Variants in HACD3 observed in about 807,000 individuals in gnomAD.
The protein encoded by HACD3 is 3-hydroxyacyl-CoA dehydratase 3.
In HACD3, 30 loss-of-function variants were observed where a neutral mutation model predicts 55.2. The ratio of observed to expected loss-of-function variants is 0.54; its 90% CI spans 0.41 to 0.74. The LOEUF (loss-of-function observed/expected upper bound fraction) is 0.74. Ranked by LOEUF, HACD3 falls within the 30% of genes least tolerant of loss-of-function variation. The pLI is 0.00. For synonymous variants in HACD3, 141 were observed against 151.7 expected (o/e 0.93, Z 0.52); for missense variants, 363 against 440.1 (o/e 0.82, Z 1.57).
intron 1 of HACD3, among the ~76,000 whole-genome samples, chr15:65,533,430 A>C (rs972709939): frequency 6.6e-6 from 1 of 152,234 alleles, no homozygotes; most frequent in Non-Finnish European, 1.5e-5. Flanking sequence ...TTGCTACAGG[A>C]GTAGCAGTCA....
intron 3 of HACD3, among the ~76,000 whole-genome samples, chr15:65,556,159 T>G (rs2072186537): frequency 6.6e-6 from 1 of 152,218 alleles, no homozygotes; most frequent in South Asian, 2.1e-4. Flanking sequence ...TTCAGGGTGA[T>G]TCAAATGCAT....
intron 9 of HACD3, 46 bp from the exon 10 acceptor site, chr15:65,572,189 G>A (rs2072354550): frequency 6.2e-7 from 1 of 1,604,226 alleles, no homozygotes; most frequent in Non-Finnish European, 8.5e-7. Context: ...GTCATTAAAT[G>A]TGACTGTTTC....
At chr15:65,571,445 C>T in intron 8 of HACD3, 103 bp from the exon 9 acceptor site, 3 of 807,464 alleles carry the variant, frequency 3.7e-6, no homozygotes, top group Non-Finnish European at 6.1e-6. Flanking sequence ...CTGAAGAAGC[C>T]ATGTGTGGCT....
At chr15:65,560,962 T>C (rs2072239015) in intron 5 of HACD3, among the ~76,000 whole-genome samples, 1 of 152,248 alleles carries the variant, frequency 6.6e-6, no homozygotes, top group Non-Finnish European at 1.5e-5. Flanking sequence ...GATTGTAAGC[T>C]CTGAGGGCAG....
intron 2 of HACD3, chr15:65,552,990 A>G (rs551193600): frequency 6.6e-5 from 10 of 151,866 alleles, no homozygotes; most frequent in East Asian, 1.9e-4. Context: ...ATGATTTCCA[A>G]TTTCATCCAT....
At chr15:65,538,510 T>C (rs903251109) in intron 1 of HACD3, among the ~76,000 whole-genome samples, 1 of 152,182 alleles carries the variant, frequency 6.6e-6, no homozygotes, top group Non-Finnish European at 1.5e-5. Flanking sequence ...AGTTGCTTCT[T>C]ATGGATGAGC....
chr15:65,571,513 T>C, intron 8 of HACD3, 35 bp from the exon 9 acceptor site: 2 of 1,501,854 alleles, frequency 1.3e-6, no homozygotes, highest in Non-Finnish European at 1.8e-6. Flanking sequence ...GAACCTGAAG[T>C]GGCTTTTCAC....
chr15:65,547,115 C>T (rs948035586), intron 1 of HACD3, among the ~76,000 whole-genome samples: 4 of 151,984 alleles, frequency 2.6e-5, no homozygotes, highest in African/African-American at 9.7e-5. Flanking sequence ...GATTGAGTTC[C>T]CAGGATTTTT....
At chr15:65,544,839 T>C (rs2072058228) in intron 1 of HACD3, among the ~76,000 whole-genome samples, 1 of 152,030 alleles carries the variant, frequency 6.6e-6, no homozygotes, top group Non-Finnish European at 1.5e-5. Flanking sequence ...CTGACTAACA[T>C]GGAGAAACCC....
rs895570471 is a variant in HACD3, at chr15:65,577,333, G to C, written c.*954G>C. 6.6e-6 allele frequency: 1 copy of C among 152,232 alleles called. No homozygotes were observed. The highest frequency in any genetic ancestry group is 1.5e-5 in the Non-Finnish European group (1 of 68,130). 9.4% of individuals were successfully genotyped at this position (152,232 alleles called of 1,614,324 possible). ...CCCAGCTACTCAAGAAGCTGAGATGGGAGGATCCTGAGCTCAGGAGGTCAA... is the reference window on the plus strand; with the variant it reads ...CCCAGCTACTCAAGAAGCTGAGATGCGAGGATCCTGAGCTCAGGAGGTCAA... On this transcript the variant is annotated 3_prime_UTR_variant, in exon 11 of 11. Coordinates refer to ENST00000261875, the MANE Select transcript of HACD3 (RefSeq NM_016395.4).
At position 65,553,666 on chromosome 15, in the gene HACD3, G is replaced by A. The variant is rs183481170; in HGVS notation, c.131-1221G>A. On this transcript the variant is annotated intron_variant, in intron 2 of 10. Coordinates refer to ENST00000261875, the MANE Select transcript of HACD3 (RefSeq NM_016395.4). ...TATATACATTTACATGAAAATTAAAGTGATAAAAGCATATCTTGCCACTTA... is the reference window on the plus strand; with the variant it reads ...TATATACATTTACATGAAAATTAAAATGATAAAAGCATATCTTGCCACTTA... Among the ~76,000 whole-genome samples the A allele has an allele frequency of 9.8e-4, 149 of 152,312 alleles. 1 individual carries two copies. The highest frequency in any genetic ancestry group is 3.4e-3 in the African/African-American group (141 of 41,560).
At position 65,578,292 on chromosome 15, in the gene HACD3, ATT is replaced by A. The variant is rs901439684; in HGVS notation, c.*1914_*1915del. On this transcript the variant is annotated 3_prime_UTR_variant, in exon 11 of 11. Coordinates refer to ENST00000261875, the MANE Select transcript of HACD3 (RefSeq NM_016395.4). Reference sequence around the variant, plus strand: ...CTTAGTGATTGTTACAAACCCCTTTATTGCTGTCTGAGAAAGTGAAAGATTGT... The same window carrying A: ...CTTAGTGATTGTTACAAACCCCTTTAGCTGTCTGAGAAAGTGAAAGATTGT... The A allele has an allele frequency of 1.3e-5, 2 of 152,170 alleles. No individual in the cohort carries two copies. The highest frequency in any genetic ancestry group is 2.9e-5 in the Non-Finnish European group (2 of 68,026). 9.4% of individuals were successfully genotyped at this position (152,170 alleles called of 1,614,324 possible).
At chr15:65,576,172 C>T (rs1050571298) in intron 10 of HACD3, 131 bp from the exon 11 acceptor site, 1 of 1,347,546 alleles carries the variant, frequency 7.4e-7, no homozygotes, top group Non-Finnish European at 1.0e-6. Context: ...AATTGTACTC[C>T]TTCCTGAGCC....
intron 1 of HACD3, among the ~76,000 whole-genome samples, chr15:65,534,995 G>A (rs574673401): frequency 2.3e-4 from 35 of 152,140 alleles, no homozygotes; most frequent in African/African-American, 6.5e-4. Context: ...GACAAGAGGC[G>A]CTCTTACAAA....
At chr15:65,552,863 C>T (rs551803519) in intron 2 of HACD3, among the ~76,000 whole-genome samples, 67 of 150,476 alleles carry the variant, frequency 4.5e-4, no homozygotes, top group Middle Eastern at 3.4e-3. Flanking sequence ...CCACAACAGT[C>T]CCCAGAGTGT....
At chr15:65,542,263 CTGTTT>C (rs2072028623) in intron 1 of HACD3, among the ~76,000 whole-genome samples, 2 of 143,938 alleles carry the variant, frequency 1.4e-5, no homozygotes, top group African/African-American at 5.0e-5. Context: ...AAAAGAATAT[CTGTTT>C]TGTATGTTTG....
At chr15:65,566,642 T>C (rs1005326950) in intron 7 of HACD3, 1 of 152,240 alleles carries the variant, frequency 6.6e-6, no homozygotes. Flanking sequence ...TTCTAGGAGA[T>C]ACAATTCAAG....
chr15:65,548,485 C>T (rs1478482189), intron 1 of HACD3, among the ~76,000 whole-genome samples: 2 of 150,138 alleles, frequency 1.3e-5, no homozygotes, highest in African/African-American at 4.9e-5. Context: ...TCACTCCAGC[C>T]CTGGGTGACA....
At chr15:65,554,546 C>T (rs533113391) in intron 2 of HACD3, among the ~76,000 whole-genome samples, 98 of 152,168 alleles carry the variant, frequency 6.4e-4, no homozygotes, top group African/African-American at 2.3e-3. Context: ...GAGGCTGAGG[C>T]GGGTGGATCA....
Sources: gnomAD v4.1 joint callset for allele counts (sites outside exome capture counted in the v4.1 genomes callset) on GRCh38, gnomAD v4.1.1 for gene constraint, MANE v1.5 for transcripts, NCBI Gene and HGNC (gene_info 2026-07-23, HGNC 2026-07-21) for gene names.